Variants in KLHDC10 observed in about 807,000 individuals in gnomAD.
The protein encoded by KLHDC10 is kelch domain containing 10.
A neutral mutation model predicts 56.1 loss-of-function variants in KLHDC10; 24 were observed. The observed-to-expected ratio is 0.43, with a 90% confidence interval of 0.31 to 0.60. The LOEUF (loss-of-function observed/expected upper bound fraction) is 0.60, where lower values mean the gene tolerates loss of function less well. Among genes scored for constraint, KLHDC10 ranks in the 20% least tolerant of loss-of-function variants. The pLI is 0.11. For synonymous variants in KLHDC10, 188 were observed against 207.1 expected (o/e 0.91, Z 0.79); for missense variants, 349 against 567.0 (o/e 0.62, Z 3.91).
At chr7:130,106,730 C>T (rs1367813254) in intron 2 of KLHDC10, among the ~76,000 whole-genome samples, 1 of 152,176 alleles carries the variant, frequency 6.6e-6, no homozygotes. Context: ...GTAATCCCAG[C>T]GCTTTGGGAG....
At chr7:130,112,350 C>T (rs144730087) in intron 2 of KLHDC10, among the ~76,000 whole-genome samples, 337 of 152,308 alleles carry the variant, frequency 2.2e-3, no homozygotes, top group African/African-American at 7.5e-3. Context: ...TCCCACATCA[C>T]AGGGACATAA....
At position 130,090,072 on chromosome 7, in the gene KLHDC10, C is replaced by T. The variant is rs758873315; in HGVS notation, c.167-6849C>T. On this transcript the variant is annotated intron_variant, in intron 1 of 9. Transcript: ENST00000335420. ...AATTTTGTATTTTTTTTAGTAGAGA[C>T]GGAGTTTCTCCATGTTGAGGCTGGT... 1.3e-4 allele frequency among the ~76,000 whole-genome samples: 20 copies of T among 152,076 alleles called. No individual in the cohort carries two copies. In the East Asian group the frequency reaches 1.9e-3, roughly 15 times the overall value.
chr7:130,076,673 T>G (rs1795508557), intron 1 of KLHDC10, among the ~76,000 whole-genome samples: 1 of 152,230 alleles, frequency 6.6e-6, no homozygotes, highest in Non-Finnish European at 1.5e-5. Flanking sequence ...ATACTTTTCT[T>G]CCAGATGGCT....
At chr7:130,074,303 G>A (rs945244550) in intron 1 of KLHDC10, among the ~76,000 whole-genome samples, 5 of 152,098 alleles carry the variant, frequency 3.3e-5, no homozygotes, top group African/African-American at 1.2e-4. Context: ...TTACATGGAA[G>A]CCTTCCGTGA....
chr7:130,108,081 T>C (rs147485057), intron 2 of KLHDC10, among the ~76,000 whole-genome samples: 2,233 of 144,504 alleles, frequency 0.015, 24 homozygotes, highest in Non-Finnish European at 0.023. Flanking sequence ...AAAAAAAAAC[T>C]AGCTGGTTGA....
At chr7:130,093,723 T>TC (rs1372762065) in intron 1 of KLHDC10, among the ~76,000 whole-genome samples, 1 of 152,202 alleles carries the variant, frequency 6.6e-6, no homozygotes, top group Non-Finnish European at 1.5e-5. Flanking sequence ...TTCTCTTTTT[T>TC]CTGCTCTTTG....
Position 130,130,605 on chromosome 7 carries a change from T to A in KLHDC10, c.1188T>A (p.Phe396Leu). 1 of 1,614,094 alleles carries A rather than the reference T, an allele frequency of 6.2e-7. No homozygotes were observed. Among genetic ancestry groups the A allele is most frequent in the Non-Finnish European group, 8.5e-7 (1 of 1,180,008 alleles). The change falls in exon 10 of 10, where the codon TTT becomes TTA. Residue 396 changes from phenylalanine to leucine, a missense_variant. Around this residue, in one of 2 missense-constraint regions of KLHDC10, gnomAD observed 245 missense variants for 470.1 expected, o/e 0.52. Transcript: ENST00000335420. The surrounding 1 kb of genome is among the most constrained non-coding windows in gnomAD (Gnocchi z 4.2). ...IHENKRTGSL[F>L]KIWLVVPSLL... ...AAAACAAACGGACTGGGTCATTGTT[T>A]AAGATCTGGCTGGTGGTACCTAGCC... is the stretch of plus-strand genomic sequence containing the variant.
chr7:130,112,050 TTTA>T (rs1197441802), intron 2 of KLHDC10, among the ~76,000 whole-genome samples: 1 of 152,222 alleles, frequency 6.6e-6, no homozygotes, highest in African/African-American at 2.4e-5. Flanking sequence ...TTTTGTATTT[TTTA>T]TTTTTTCTAT....
Position 130,130,823 on chromosome 7 carries a change from G to A in KLHDC10, c.*77G>A. The A allele has an allele frequency of 7.3e-7, 1 of 1,376,554 alleles. No homozygotes were observed. Among genetic ancestry groups the A allele is most frequent in the Non-Finnish European group, 1.0e-6 (1 of 969,612 alleles). 85.3% of individuals were successfully genotyped at this position (1,376,554 alleles called of 1,614,324 possible). A position where few individuals can be genotyped will look rare whatever the true frequency, so the allele number is the denominator to read the frequency against. ...TTTATTTATGGGCAGTGTAGAATGT[G>A]CTACAAAGAGGATTGGTTACCCTGA... On this transcript the variant is annotated 3_prime_UTR_variant, in exon 10 of 10. Transcript: ENST00000335420. This position sits in a 1 kb window ranked among gnomAD's most constrained non-coding sequence, Gnocchi z 4.2.
At chr7:130,097,577 G>T (rs1221909836) in intron 2 of KLHDC10, among the ~76,000 whole-genome samples, 1 of 151,960 alleles carries the variant, frequency 6.6e-6, no homozygotes, top group Admixed American at 6.6e-5. Context: ...CAATAATTAT[G>T]AACAAGTATT....
chr7:130,109,185 A>G lies in KLHDC10; in HGVS notation c.254-7260A>G, dbSNP rs1796065413. 2.0e-5 allele frequency among the ~76,000 whole-genome samples: 3 copies of G among 150,128 alleles called. No homozygotes were observed. The South Asian group carries it at 6.3e-4, about 32-fold the overall frequency. Reference sequence around the variant, plus strand: ...GCCTCCCACAGTGCTGGGATTACAGATGTGAGCCACTGAGCCCAGCAGGTC... The same window carrying G: ...GCCTCCCACAGTGCTGGGATTACAGGTGTGAGCCACTGAGCCCAGCAGGTC... On this transcript the variant is annotated intron_variant, in intron 2 of 9. Coordinates refer to ENST00000335420, the MANE Select transcript of KLHDC10 (RefSeq NM_014997.4).
At chr7:130,115,142 G>T (rs1254395580) in intron 2 of KLHDC10, among the ~76,000 whole-genome samples, 2 of 152,168 alleles carry the variant, frequency 1.3e-5, no homozygotes, top group Non-Finnish European at 2.9e-5. Context: ...TATTAGGTTG[G>T]TAATAAATGT....
chr7:130,135,627 A>G lies in KLHDC10; in HGVS notation c.*4881A>G, dbSNP rs966469370. 4 of 154,384 alleles carry G rather than the reference A, an allele frequency of 2.6e-5. No homozygotes were observed. The highest frequency in any genetic ancestry group is 5.1e-4 in the Middle Eastern group (1 of 1,948). The allele number at this position is 154,384 out of a possible 1,614,324, so 9.6% of individuals were successfully genotyped here. ...CAGTGAATTTACCCTAAAATGTCCA[A>G]TCTGTATTTATGTACCTTGTCAGTG... On this transcript the variant is annotated 3_prime_UTR_variant, in exon 10 of 10. Coordinates refer to ENST00000335420, the MANE Select transcript of KLHDC10 (RefSeq NM_014997.4).
chr7:130,092,591 C>T (rs1463687727), intron 1 of KLHDC10, among the ~76,000 whole-genome samples: 10 of 152,248 alleles, frequency 6.6e-5, no homozygotes, highest in Admixed American at 3.9e-4. Context: ...AGTATCCCCA[C>T]GGGGTTCTAC....
At chr7:130,107,887 G>C (rs544996193) in intron 2 of KLHDC10, among the ~76,000 whole-genome samples, 2 of 134,258 alleles carry the variant, frequency 1.5e-5, no homozygotes, top group South Asian at 2.4e-4. Flanking sequence ...GCGGTGGCCC[G>C]TACCGTAGTC....
At chr7:130,114,547 T>A (rs1221245498) in intron 2 of KLHDC10, among the ~76,000 whole-genome samples, 1 of 152,142 alleles carries the variant, frequency 6.6e-6, no homozygotes, top group African/African-American at 2.4e-5. Context: ...ACTTAGACAT[T>A]TATAGGAGCT....
chr7:130,104,811 C>A (rs765669837), intron 2 of KLHDC10, among the ~76,000 whole-genome samples: 1 of 152,190 alleles, frequency 6.6e-6, no homozygotes, highest in Non-Finnish European at 1.5e-5. Context: ...CATCACTATA[C>A]AGTACCAAGG....
chr7:130,091,804 T>G (rs1795777087), intron 1 of KLHDC10, among the ~76,000 whole-genome samples: 1 of 152,330 alleles, frequency 6.6e-6, no homozygotes, highest in East Asian at 1.9e-4. Flanking sequence ...TTCTTGGGCC[T>G]TGTTTGTTAT....
intron 2 of KLHDC10, among the ~76,000 whole-genome samples, chr7:130,111,258 A>G (rs917856923): frequency 1.3e-5 from 2 of 152,238 alleles, no homozygotes; most frequent in East Asian, 3.8e-4. Context: ...AACAAATGAC[A>G]ATATCTTAAT....
Sources: allele counts gnomAD v4.1 joint callset (sites outside exome capture counted in the v4.1 genomes callset), GRCh38; gene constraint gnomAD v4.1.1; regional missense constraint gnomAD v4.1.1; non-coding constraint Gnocchi (gnomAD v3.1); transcripts MANE v1.5; gene names NCBI Gene and HGNC (gene_info 2026-07-23, HGNC 2026-07-21).